The following PPP1R21 variants were observed in gnomAD, a reference collection of about 807,000 sequenced individuals.
The protein encoded by PPP1R21 is protein phosphatase 1 regulatory subunit 21.
PPP1R21 carries 85 observed loss-of-function variants against 112.8 expected under a neutral mutation model. That is an observed-to-expected ratio of 0.75 (90% CI 0.63 to 0.90). PPP1R21 has a LOEUF of 0.90. Among genes scored for constraint, PPP1R21 ranks in the 40% least tolerant of loss-of-function variants. The pLI, the probability that PPP1R21 is intolerant of heterozygous loss-of-function variation, is 0.00. For synonymous variants in PPP1R21, 381 were observed against 322.3 expected, an observed-to-expected ratio of 1.18 and a Z score of -1.95; for missense variants, 1,199 against 901.5, an observed-to-expected ratio of 1.33 and a Z score of -4.23.
chr2:48,454,866 G>A, intron 3 of PPP1R21, 125 bp downstream of exon 3: 1 of 729,832 alleles, frequency 1.4e-6, no homozygotes, highest in South Asian at 1.8e-5. Flanking sequence ...TTGAGACAGG[G>A]TCTTGCTCTG....
At chr2:48,443,855 C>G (rs1246048028) in intron 1 of PPP1R21, among the ~76,000 whole-genome samples, 1 of 152,088 alleles carries the variant, frequency 6.6e-6, no homozygotes, top group East Asian at 1.9e-4. Context: ...AATTTTTCTG[C>G]CTTATTTAGG....
At chr2:48,443,361 A>G (rs1332389039) in intron 1 of PPP1R21, among the ~76,000 whole-genome samples, 1 of 152,246 alleles carries the variant, frequency 6.6e-6, no homozygotes, top group Non-Finnish European at 1.5e-5. Flanking sequence ...AAGGCACACT[A>G]AATTTGTTAT....
Position 48,460,220 on chromosome 2 carries a change from A to C in PPP1R21, c.599+67A>C, listed in dbSNP as rs1667917150. On this transcript the variant is annotated intron_variant, in intron 6 of 21. Coordinates refer to ENST00000294952, the MANE Select transcript of PPP1R21 (RefSeq NM_001135629.3). Reference sequence around the variant, plus strand: ...CTCAGAAGACATGGGTTTTGGTTGTAGCAGCTCCTCTGTTTTAATTGTCTT... The same window carrying C: ...CTCAGAAGACATGGGTTTTGGTTGTCGCAGCTCCTCTGTTTTAATTGTCTT... 4 of 1,463,728 alleles carry C rather than the reference A, an allele frequency of 2.7e-6. 1 individual carries two copies. The Admixed American group carries it at 6.9e-5, about 25-fold the overall frequency. The allele number at this position is 1,463,728 out of a possible 1,614,324, so 90.7% of individuals were successfully genotyped here. A position where few individuals can be genotyped will look rare whatever the true frequency, so the allele number is the denominator to read the frequency against.
intron 2 of PPP1R21, among the ~76,000 whole-genome samples, chr2:48,452,700 C>T (rs6756820): frequency 3.3e-5 from 5 of 151,854 alleles, no homozygotes; most frequent in African/African-American, 9.7e-5. Flanking sequence ...CCTTTCAGTG[C>T]GCTGTTAGGT....
chr2:48,440,968 G>A lies in PPP1R21; in HGVS notation c.15G>A (p.Glu5=). 1 of 1,612,102 alleles carries A rather than the reference G, an allele frequency of 6.2e-7. No homozygotes were observed. Among genetic ancestry groups the A allele is most frequent in the Non-Finnish European group, 8.5e-7 (1 of 1,178,836 alleles). The part of the protein sequence containing the change: MASA[E]LQGKYQKLAQ... Reference sequence around the variant, plus strand: ...CGGGGGAGGCCATGGCCTCGGCTGAGTTGCAGGGGAAGTACCAGAAGCTGG... The same window carrying A: ...CGGGGGAGGCCATGGCCTCGGCTGAATTGCAGGGGAAGTACCAGAAGCTGG... The change falls in exon 1 of 22, where the codon GAG becomes GAA. Residue 5 remains glutamate, a synonymous_variant. Coordinates refer to ENST00000294952, the MANE Select transcript of PPP1R21 (RefSeq NM_001135629.3).
At chr2:48,477,821 G>A (rs1668826929) in intron 12 of PPP1R21, among the ~76,000 whole-genome samples, 1 of 152,064 alleles carries the variant, frequency 6.6e-6, no homozygotes. Flanking sequence ...GGAGAGGGTT[G>A]TGAGTTGAAT....
chr2:48,468,195 C>A (rs7605931), intron 9 of PPP1R21, among the ~76,000 whole-genome samples: 1 of 152,088 alleles, frequency 6.6e-6, no homozygotes, highest in African/African-American at 2.4e-5. Context: ...CACAGGTAAG[C>A]GTATTTGAGG....
At position 48,486,729 on chromosome 2, in the gene PPP1R21, G is replaced by C; in HGVS notation, c.1417G>C (p.Val473Leu). Residue 473 changes from valine (V) to leucine (L), a missense_variant, in exon 14 of 22, where the codon GTA (valine) becomes CTA (leucine). Transcript: ENST00000294952. ...AACTAATGACTGTATCCTGTCATCA[G>C]TAGTGGCATTAACAAATGGAGCAGG... ...ITTNDCILSS[V>L]VALTNGAGKI... 6.2e-7 allele frequency: 1 copy of C among 1,613,786 alleles called. No homozygotes were observed. The highest frequency in any genetic ancestry group is 8.5e-7 in the Non-Finnish European group (1 of 1,179,858).
intron 7 of PPP1R21, among the ~76,000 whole-genome samples, chr2:48,463,138 C>G (rs72822209): frequency 0.14 from 21,119 of 152,182 alleles, 1,594 homozygotes; most frequent in African/African-American, 0.18. Flanking sequence ...TAGACTTTGG[C>G]AGAGAAACTG....
In PPP1R21 at chr2:48,491,086, G is replaced by A. The variant is rs148151051; in HGVS notation, c.1515G>A (p.Ala505=). The A allele has an allele frequency of 2.0e-5, 33 of 1,613,998 alleles. No homozygotes were observed. In the East Asian group the frequency reaches 3.3e-4, roughly 16 times the overall value. ...CACTGAGCTATGGACCTAAGGCAGC[G>A]AGTGGATTCATTAGTCCTCTTTCAG... ...IASLSYGPKA[A]SGFISPLSAE... Residue 505 remains alanine (A), a synonymous_variant, in exon 15 of 22, where the codon GCG becomes GCA. Coordinates refer to ENST00000294952, the MANE Select transcript of PPP1R21 (RefSeq NM_001135629.3).
chr2:48,491,352 G>C (rs1018223267), intron 15 of PPP1R21, among the ~76,000 whole-genome samples, 182 bp downstream of exon 15: 17 of 152,122 alleles, frequency 1.1e-4, no homozygotes, highest in African/African-American at 4.1e-4. Flanking sequence ...GACTTTACCT[G>C]AGAAGCAGCG....
intron 12 of PPP1R21, chr2:48,479,521 G>A (rs992100435): frequency 4.2e-6 from 2 of 475,814 alleles, no homozygotes; most frequent in African/African-American, 2.0e-5. Context: ...AGCTCCTCAC[G>A]CTGACATGGC....
chr2:48,452,276 C>A (rs570979239), intron 2 of PPP1R21, among the ~76,000 whole-genome samples: 235 of 152,188 alleles, frequency 1.5e-3, no homozygotes, highest in African/African-American at 5.5e-3. Flanking sequence ...CAGTGGTAGG[C>A]GTGGTGACAG....
At chr2:48,486,352 T>C (rs967246978) in intron 13 of PPP1R21, among the ~76,000 whole-genome samples, 1 of 152,180 alleles carries the variant, frequency 6.6e-6, no homozygotes, top group Non-Finnish European at 1.5e-5. Flanking sequence ...AAATACAGGA[T>C]CATTTACCCA....
At chr2:48,447,782 C>G (rs979689791) in intron 1 of PPP1R21, among the ~76,000 whole-genome samples, 1 of 151,976 alleles carries the variant, frequency 6.6e-6, no homozygotes, top group African/African-American at 2.4e-5. Flanking sequence ...AGCCCTGTCT[C>G]TACTAAAAAT....
At chr2:48,481,103 C>G (rs1668991014) in intron 13 of PPP1R21, among the ~76,000 whole-genome samples, 1 of 152,198 alleles carries the variant, frequency 6.6e-6, no homozygotes, top group African/African-American at 2.4e-5. Flanking sequence ...ATTCTTCTGC[C>G]TCAGCCTCCC....
At chr2:48,487,835 C>T (rs1343617528) in intron 14 of PPP1R21, among the ~76,000 whole-genome samples, 2 of 151,592 alleles carry the variant, frequency 1.3e-5, no homozygotes, top group African/African-American at 2.4e-5. Flanking sequence ...TCAGAGTGTG[C>T]GTTCATGTGG....
chr2:48,464,754 G>A (rs989570617), intron 7 of PPP1R21, among the ~76,000 whole-genome samples, 183 bp from the exon 8 acceptor site: 1 of 151,924 alleles, frequency 6.6e-6, no homozygotes, highest in African/African-American at 2.4e-5. Context: ...AAAAAAGATG[G>A]GAAGTATTAC....
rs144797997 is a variant in PPP1R21, at chr2:48,461,002, A to G, written c.600-136A>G. On this transcript the variant is annotated intron_variant, in intron 6 of 21. Transcript: ENST00000294952. ...TTTTTGTTATCTTCCTCTTTTAACA[A>G]CTCTCTGCCAAGAGTATCCCAGATG... 1.3e-4 allele frequency: 181 copies of G among 1,381,996 alleles called. No individual in the cohort carries two copies. The African/African-American group carries it at 2.1e-3, about 16-fold the overall frequency. 85.6% of individuals were successfully genotyped at this position (1,381,996 alleles called of 1,614,324 possible).
Sources: allele counts gnomAD v4.1 joint callset (sites outside exome capture counted in the v4.1 genomes callset), GRCh38; gene constraint gnomAD v4.1.1; transcripts MANE v1.5; gene names NCBI Gene and HGNC (gene_info 2026-07-23, HGNC 2026-07-21).